The following PILRB variants were observed in gnomAD, a reference collection of about 807,000 sequenced individuals.
PILRB encodes paired immunoglobin like type 2 receptor beta.
A neutral mutation model predicts 20.5 loss-of-function variants in PILRB; 21 were observed. The ratio of observed to expected loss-of-function variants is 1.02; its 90% CI spans 0.72 to 1.47. The LOEUF (loss-of-function observed/expected upper bound fraction) is 1.47, where lower values mean the gene tolerates loss of function less well. PILRB is among the 40% of genes most tolerant of loss of function. The pLI is 0.00. For missense variants in PILRB, 253 were observed against 272.1 expected, an observed-to-expected ratio of 0.93 and a Z score of 0.49; for synonymous variants, 133 against 115.1, an observed-to-expected ratio of 1.16 and a Z score of -0.99.
rs369458364 is a variant in PILRB, at chr7:100,359,515, C to T, written c.633C>T (p.Leu211=). ...TVILGLLCLL[L]LWWRRRKGSR... is the part of the protein sequence containing the mutation. ...TTTTGGGACTGCTGTGCCTCCTCCT[C>T]CTGTGGTGGAGGAGAAGGAAAGGTA... Residue 211 remains leucine (L), a synonymous_variant, in exon 3 of 4, where the codon CTC becomes CTT. Transcript: ENST00000609309. The T allele has an allele frequency of 1.3e-6, 2 of 1,532,484 alleles. No individual in the cohort carries two copies. Among genetic ancestry groups the T allele is most frequent in the Non-Finnish European group, 1.8e-6 (2 of 1,113,036 alleles). 94.9% of individuals were successfully genotyped at this position (1,532,484 alleles called of 1,614,324 possible).
At chr7:100,367,247 G>C in intron 3 of PILRB, 102 bp from the exon 4 acceptor site, 1 of 785,716 alleles carries the variant, frequency 1.3e-6, no homozygotes, top group Non-Finnish European at 2.4e-6. Flanking sequence ...ATTCTCCTGA[G>C]TTTTTGCCAC....
Position 100,358,455 on chromosome 7 carries a change from G to C in PILRB, c.64+89G>C, listed in dbSNP as rs542947656. 8.7e-6 allele frequency: 13 copies of C among 1,498,380 alleles called. No homozygotes were observed. In the Admixed American group the frequency reaches 2.0e-4, roughly 23 times the overall value. 92.8% of individuals were successfully genotyped at this position (1,498,380 alleles called of 1,614,324 possible). A position where few individuals can be genotyped will look rare whatever the true frequency, so the allele number is the denominator to read the frequency against. ...CAAAGGCAGAACATCTGGGGCAGGG[G>C]CCAGGCTCCCACCTCCAGCAAACAA... is the stretch of plus-strand genomic sequence containing the variant. On this transcript the variant is annotated intron_variant, in intron 1 of 3. Transcript: ENST00000609309.
intron 3 of PILRB, among the ~76,000 whole-genome samples, chr7:100,361,854 A>G (rs925014192): frequency 2.6e-5 from 4 of 152,314 alleles, no homozygotes; most frequent in South Asian, 2.1e-4. Flanking sequence ...GTGTGCCTCA[A>G]CTTCCTCATG....
At chr7:100,366,415 T>G (rs1385795673) in intron 3 of PILRB, among the ~76,000 whole-genome samples, 3 of 151,556 alleles carry the variant, frequency 2.0e-5, no homozygotes, top group Non-Finnish European at 4.4e-5. Context: ...GTTCAGAGGG[T>G]GTCTCTGTGG....
At chr7:100,364,685 A>G (rs1300284401) in intron 3 of PILRB, among the ~76,000 whole-genome samples, 1 of 152,238 alleles carries the variant, frequency 6.6e-6, no homozygotes, top group African/African-American at 2.4e-5. Flanking sequence ...ATATGATCCA[A>G]CAATCTCACT....
intron 3 of PILRB, among the ~76,000 whole-genome samples, chr7:100,364,244 A>C (rs1584200929): frequency 6.6e-6 from 1 of 152,252 alleles, no homozygotes; most frequent in East Asian, 1.9e-4. Context: ...TTTCTTCAAC[A>C]AATGGTGTTG....
In PILRB at chr7:100,359,470, C is replaced by T. The variant is rs371268553; in HGVS notation, c.588C>T (p.Val196=). The change falls in exon 3 of 4, where the codon GTC becomes GTT. Residue 196 remains valine, a synonymous_variant. Transcript: ENST00000609309. ...CTGCCATCAGGGTTGCATTGGCTGTCGCTGTGCTCAAAACTGTCATTTTGG... is the reference window on the plus strand; with the variant it reads ...CTGCCATCAGGGTTGCATTGGCTGTTGCTGTGCTCAAAACTGTCATTTTGG... ...LDTAIRVALA[V]AVLKTVILGL... The T allele has an allele frequency of 5.5e-5, 88 of 1,613,988 alleles. No homozygotes were observed. Among genetic ancestry groups the T allele is most frequent in the Admixed American group, 1.0e-4 (6 of 59,990 alleles).
chr7:100,365,936 T>C (rs1584202312), intron 3 of PILRB, among the ~76,000 whole-genome samples: 1 of 150,336 alleles, frequency 6.7e-6, no homozygotes, highest in Non-Finnish European at 1.5e-5. Context: ...GTTAGGATGG[T>C]AAATTCTAGG....
At position 100,358,833 on chromosome 7, in the gene PILRB, T is replaced by A. The variant is rs779000935; in HGVS notation, c.208T>A (p.Ser70Thr). Residue 70 changes from serine to threonine, a missense_variant, in exon 2 of 4, where the codon TCC becomes ACC. By Grantham distance (58) the Ser-to-Thr change is moderately conservative. Coordinates refer to ENST00000609309, the MANE Select transcript of PILRB (RefSeq NM_178238.4). Reference sequence around the variant, plus strand: ...AGCCATAGTTCCCAACGTGAGAATATCCTGGAGACGGGGCCACTTCCACGG... The same window carrying A: ...AGCCATAGTTCCCAACGTGAGAATAACCTGGAGACGGGGCCACTTCCACGG... Reference protein sequence around the residue: ...ELAIVPNVRISWRRGHFHGQS... With the variant: ...ELAIVPNVRITWRRGHFHGQS... 38 of 1,613,982 alleles carry A rather than the reference T, an allele frequency of 2.4e-5. No individual in the cohort carries two copies. Among genetic ancestry groups the A allele is most frequent in the Non-Finnish European group, 3.1e-5 (37 of 1,179,926 alleles).
At chr7:100,365,949 GTTTTTTTTTTTT>G (rs769960565) in intron 3 of PILRB, among the ~76,000 whole-genome samples, 2 of 127,824 alleles carry the variant, frequency 1.6e-5, no homozygotes, top group African/African-American at 2.8e-5. Flanking sequence ...ATTCTAGGTG[GTTTTTTTTTTTT>G]TTTTTTTTTT....
Position 100,358,814 on chromosome 7 carries a change from A to G in PILRB, c.189A>G (p.Ile63Met), listed in dbSNP as rs764785882. 48 of 1,608,456 alleles carry G rather than the reference A, an allele frequency of 3.0e-5. 1 individual carries two copies. Among genetic ancestry groups the G allele is most frequent in the Non-Finnish European group, 4.0e-5 (47 of 1,174,880 alleles). Residue 63 changes from isoleucine (I) to methionine (M), a missense_variant, in exon 2 of 4, where the codon ATA becomes ATG. Coordinates refer to ENST00000609309, the MANE Select transcript of PILRB (RefSeq NM_178238.4). ...FSFYYPWELA[I>M]VPNVRISWRR... The stretch of plus-strand genomic sequence containing the variant: ...TCTATTACCCCTGGGAGTTAGCCAT[A>G]GTTCCCAACGTGAGAATATCCTGGA...
At chr7:100,361,511 G>A (rs1790527041) in intron 3 of PILRB, among the ~76,000 whole-genome samples, 1 of 152,110 alleles carries the variant, frequency 6.6e-6, no homozygotes, top group Non-Finnish European at 1.5e-5. Flanking sequence ...GGCCAAAATG[G>A]TGAAACCCCA....
At chr7:100,358,484 CG>C in intron 1 of PILRB, 118 bp downstream of exon 1, 1 of 1,347,216 alleles carries the variant, frequency 7.4e-7, no homozygotes, top group South Asian at 1.3e-5. Flanking sequence ...CAAACAAGGG[CG>C]GGTCCCATAG....
In PILRB at chr7:100,359,063, A is replaced by T. The variant is rs570830442; in HGVS notation, c.438A>T (p.Lys146Asn). ...AGTTGCAGTCCATCAAGGGGACCAA[A>T]CTCACCATCACCCAGGGTGAGTCCA... ...RQQLQSIKGT[K>N]LTITQAVTTT... Residue 146 changes from lysine to asparagine, a missense_variant, in exon 2 of 4, where the codon AAA becomes AAT. Transcript: ENST00000609309. 75 of 1,613,770 alleles carry T rather than the reference A, an allele frequency of 4.6e-5. No individual in the cohort carries two copies. In the East Asian group the frequency reaches 1.7e-3, roughly 36 times the overall value.
Position 100,359,042 on chromosome 7 carries a change from G to A in PILRB, c.417G>A (p.Leu139=), listed in dbSNP as rs538129514. 1.9e-6 allele frequency: 3 copies of A among 1,614,122 alleles called. No individual in the cohort carries two copies. The highest frequency in any genetic ancestry group is 2.5e-6 in the Non-Finnish European group (3 of 1,180,030). The part of the protein sequence containing the change: ...LDTRRSGRQQ[L]QSIKGTKLTI... ...CCCGGAGATCAGGGAGGCAGCAGTTGCAGTCCATCAAGGGGACCAAACTCA... is the reference window on the plus strand; with the variant it reads ...CCCGGAGATCAGGGAGGCAGCAGTTACAGTCCATCAAGGGGACCAAACTCA... Residue 139 remains leucine (L), a synonymous_variant, in exon 2 of 4, where the codon TTG becomes TTA. Transcript: ENST00000609309.
In PILRB at chr7:100,358,336, C is replaced by T. The variant is rs1790422504; in HGVS notation, c.34C>T (p.Leu12=). ...GCCCCTGCTGCTGCCCCTGCTGCTC[C>T]TGCTGCAGCCGCCAGCATTTCTGCA... ...GRPLLLPLLL[L]LQPPAFLQPG... Residue 12 remains leucine (L), a synonymous_variant, in exon 1 of 4, where the codon CTG becomes TTG. Transcript: ENST00000609309. 1 of 1,612,942 alleles carries T rather than the reference C, an allele frequency of 6.2e-7. No homozygotes were observed. The highest frequency in any genetic ancestry group is 2.2e-5 in the East Asian group (1 of 44,886).
rs199598131 is a variant in PILRB, at chr7:100,358,823, C to T, written c.198C>T (p.Asn66=). 656 of 1,612,688 alleles carry T rather than the reference C, an allele frequency of 4.1e-4. 5 individuals are homozygous for T. The South Asian group carries it at 6.6e-3, about 16-fold the overall frequency. The change falls in exon 2 of 4, where the codon AAC becomes AAT. Residue 66 remains asparagine, a synonymous_variant. Coordinates refer to ENST00000609309, the MANE Select transcript of PILRB (RefSeq NM_178238.4). ...CCTGGGAGTTAGCCATAGTTCCCAA[C>T]GTGAGAATATCCTGGAGACGGGGCC... ...YYPWELAIVP[N]VRISWRRGHF...
intron 3 of PILRB, among the ~76,000 whole-genome samples, chr7:100,363,441 TA>T (rs1399434563): frequency 6.6e-6 from 1 of 152,082 alleles, no homozygotes; most frequent in Admixed American, 6.6e-5. Flanking sequence ...TGTCAAAAAA[TA>T]AAGTAAGATC....
intron 3 of PILRB, among the ~76,000 whole-genome samples, chr7:100,361,410 G>A (rs1447703653): frequency 1.3e-5 from 2 of 152,174 alleles, no homozygotes; most frequent in African/African-American, 4.8e-5. Context: ...AAAGTCTTCA[G>A]GCCAGGCACG....
Sources: gnomAD v4.1 joint callset for allele counts (sites outside exome capture counted in the v4.1 genomes callset) on GRCh38, gnomAD v4.1.1 for gene constraint, MANE v1.5 for transcripts, NCBI Gene and HGNC (gene_info 2026-07-23, HGNC 2026-07-21) for gene names.